The following SRD5A3 variants were observed in gnomAD, a reference collection of about 807,000 sequenced individuals.
The protein encoded by SRD5A3 is steroid 5 alpha-reductase 3.
Under a neutral mutation model 34.3 loss-of-function variants are expected in SRD5A3, and 24 were observed. That is an observed-to-expected ratio of 0.70 (90% confidence interval 0.51 to 0.99). The LOEUF is 0.99. SRD5A3 is among the 50% of genes least tolerant of loss of function. SRD5A3 has a pLI of 0.00. For missense variants in SRD5A3, 350 were observed against 388.2 expected, an observed-to-expected ratio of 0.90 and a Z score of 0.83; for synonymous variants, 161 against 167.3, an observed-to-expected ratio of 0.96 and a Z score of 0.29.
At chr4:55,362,273 A>G (rs574992909) in intron 2 of SRD5A3, among the ~76,000 whole-genome samples, 1 of 151,610 alleles carries the variant, frequency 6.6e-6, no homozygotes, top group Admixed American at 6.6e-5. Flanking sequence ...GACTACAGGC[A>G]TGCGCCACCA....
At chr4:55,363,393 C>G (rs554309978) in intron 2 of SRD5A3, among the ~76,000 whole-genome samples, 19 of 152,124 alleles carry the variant, frequency 1.2e-4, no homozygotes, top group Non-Finnish European at 2.5e-4. Context: ...CTGACTGTGC[C>G]ACTGCACTCT....
At chr4:55,346,612 G>A (rs1294008393) in intron 1 of SRD5A3, 55 bp downstream of exon 1, 21 of 1,458,318 alleles carry the variant, frequency 1.4e-5, no homozygotes, top group African/African-American at 2.9e-5. Flanking sequence ...AGTTCGGGGC[G>A]CCCCGGCTCG....
At chr4:55,355,856 T>C (rs1035723246) in intron 1 of SRD5A3, among the ~76,000 whole-genome samples, 1 of 152,114 alleles carries the variant, frequency 6.6e-6, no homozygotes, top group African/African-American at 2.4e-5. Context: ...GTTATGAAGA[T>C]GAACTAAATA....
chr4:55,364,568 T>C (rs995442829), intron 3 of SRD5A3: 2 of 363,736 alleles, frequency 5.5e-6, no homozygotes, highest in African/African-American at 2.1e-5. Context: ...AAAAAAAAAT[T>C]AGCCAGGCGT....
At position 55,364,243 on chromosome 4, in the gene SRD5A3, G is replaced by A; in HGVS notation, c.534G>A (p.Leu178=). The change falls in exon 3 of 5, where the codon CTG becomes CTA. Residue 178 remains leucine (L), a synonymous_variant. Transcript: ENST00000264228. ...VYYVLVGLTV[L]SQVPMDGRNA... The stretch of plus-strand genomic sequence containing the variant: ...ATGTCCTTGTTGGCCTAACTGTGCT[G>A]AGCCAAGTGCCAATGGATGGCAGGA... 6.2e-7 allele frequency: 1 copy of A among 1,614,152 alleles called. No homozygotes were observed. The highest frequency in any genetic ancestry group is 1.1e-5 in the South Asian group (1 of 91,074).
intron 1 of SRD5A3, among the ~76,000 whole-genome samples, chr4:55,350,328 C>T (rs529872330): frequency 6.6e-6 from 1 of 152,238 alleles, no homozygotes; most frequent in African/African-American, 2.4e-5. Flanking sequence ...CAAGATCGCG[C>T]CACTGCACTC....
intron 1 of SRD5A3, among the ~76,000 whole-genome samples, chr4:55,357,716 T>C (rs1252974722): frequency 6.6e-6 from 1 of 152,232 alleles, no homozygotes; most frequent in Non-Finnish European, 1.5e-5. Flanking sequence ...TATTTATTTA[T>C]TTGTTAAGAC....
At chr4:55,358,338 C>G (rs1719547717) in intron 1 of SRD5A3, among the ~76,000 whole-genome samples, 1 of 151,922 alleles carries the variant, frequency 6.6e-6, no homozygotes, top group Non-Finnish European at 1.5e-5. Flanking sequence ...TGAGACCAGC[C>G]TGGGCAGCAT....
At chr4:55,349,574 TG>T (rs781042657) in intron 1 of SRD5A3, among the ~76,000 whole-genome samples, 26 of 152,174 alleles carry the variant, frequency 1.7e-4, no homozygotes, top group Non-Finnish European at 3.1e-4. Flanking sequence ...TGCTTTTTTT[TG>T]TTTTCCTTTT....
chr4:55,362,832 G>C (rs1719735098), intron 2 of SRD5A3, among the ~76,000 whole-genome samples: 2 of 148,812 alleles, frequency 1.3e-5, no homozygotes, highest in Admixed American at 1.4e-4. Context: ...GTGTGTGTTT[G>C]TGTGTGAGAC....
chr4:55,349,526 T>C (rs889249760), intron 1 of SRD5A3, among the ~76,000 whole-genome samples: 3 of 151,906 alleles, frequency 2.0e-5, no homozygotes, highest in Non-Finnish European at 4.4e-5. Context: ...ATGACTCCTG[T>C]CTGGTAGATT....
intron 1 of SRD5A3, among the ~76,000 whole-genome samples, chr4:55,356,482 TTTTG>T (rs1349560708): frequency 5.9e-5 from 9 of 151,882 alleles, no homozygotes; most frequent in East Asian, 1.9e-4. Context: ...ATTTTTAGGG[TTTTG>T]TTTGTTTGTT....
At chr4:55,353,726 T>C (rs748273656) in intron 1 of SRD5A3, among the ~76,000 whole-genome samples, 1 of 152,104 alleles carries the variant, frequency 6.6e-6, no homozygotes, top group Non-Finnish European at 1.5e-5. Flanking sequence ...GCGCCACCTT[T>C]AAGAGCTGTA....
chr4:55,352,845 G>C (rs536945882), intron 1 of SRD5A3, among the ~76,000 whole-genome samples: 95 of 152,322 alleles, frequency 6.2e-4, no homozygotes, highest in Middle Eastern at 3.4e-3. Context: ...GATAATTTCA[G>C]ATGACTGTAA....
chr4:55,360,443 T>C (rs1719639373), intron 2 of SRD5A3, among the ~76,000 whole-genome samples: 1 of 147,236 alleles, frequency 6.8e-6, no homozygotes, highest in Non-Finnish European at 1.5e-5. Context: ...GAGGCGGAGG[T>C]TGCCATGAGC....
intron 1 of SRD5A3, among the ~76,000 whole-genome samples, chr4:55,347,155 C>T (rs1719027834): frequency 1.3e-5 from 2 of 152,250 alleles, no homozygotes; most frequent in Admixed American, 1.3e-4. Flanking sequence ...CGTCCCGAAG[C>T]TCCATTTGAC....
intron 1 of SRD5A3, among the ~76,000 whole-genome samples, chr4:55,352,749 G>A (rs1719245582): frequency 6.6e-6 from 1 of 152,212 alleles, no homozygotes; most frequent in Non-Finnish European, 1.5e-5. Flanking sequence ...TACCTACTGT[G>A]TGCCAGGAAT....
intron 1 of SRD5A3, among the ~76,000 whole-genome samples, chr4:55,353,474 G>A (rs555171977): frequency 5.3e-5 from 8 of 152,310 alleles, no homozygotes; most frequent in African/African-American, 1.7e-4. Context: ...AGCAGGATGT[G>A]GGCGGGGCCA....
intron 4 of SRD5A3, among the ~76,000 whole-genome samples, chr4:55,368,891 A>AATTAG (rs1720014892): frequency 2.0e-5 from 3 of 151,726 alleles, no homozygotes; most frequent in African/African-American, 7.3e-5. Context: ...GGCGTGTGCC[A>AATTAG]CCACATCTGG....
Sources: allele counts gnomAD v4.1 joint callset (sites outside exome capture counted in the v4.1 genomes callset), GRCh38; gene constraint gnomAD v4.1.1; transcripts MANE v1.5; gene names NCBI Gene and HGNC (gene_info 2026-07-23, HGNC 2026-07-21).